Variants in CGGBP1 observed in about 807,000 individuals in gnomAD.
CGGBP1 encodes CGG triplet repeat binding protein 1.
CGGBP1 carries 4 observed loss-of-function variants against 11.4 expected under a neutral mutation model. The ratio of observed to expected loss-of-function variants is 0.35; its 90% CI spans 0.17 to 0.80. The LOEUF is 0.80. Ranked by LOEUF, CGGBP1 falls within the 30% of genes least tolerant of loss-of-function variation. CGGBP1 has a pLI of 0.52. For missense variants in CGGBP1, 135 were observed against 202.1 expected (o/e 0.67, Z 2.01); for synonymous variants, 76 against 74.1 (o/e 1.03, Z -0.13).
At chr3:88,147,884 A>T (rs555954541) in intron 1 of CGGBP1, among the ~76,000 whole-genome samples, 1 of 152,320 alleles carries the variant, frequency 6.6e-6, no homozygotes, top group African/African-American at 2.4e-5. Flanking sequence ...TGCGTTAAGC[A>T]TCCCACAATG....
In CGGBP1 at chr3:88,055,815, G is replaced by A. The variant is rs769664578; in HGVS notation, c.162C>T (p.Arg54=). Residue 54 remains arginine (R), a synonymous_variant, in exon 4 of 4, where the codon CGC becomes CGT. Coordinates refer to ENST00000482016, the MANE Select transcript of CGGBP1 (RefSeq NM_001008390.2). This position sits in a 1 kb window ranked among gnomAD's most constrained non-coding sequence, Gnocchi z 4.2. ...TSCNVVLNHV[R]KSAISDHLKS... ...TGAGGTGGTCACTAATGGCAGACTT[G>A]CGAACATGATTCAGAACCACATTGC... 9.9e-6 allele frequency: 16 copies of A among 1,614,050 alleles called. No homozygotes were observed. The highest frequency in any genetic ancestry group is 1.4e-5 in the Non-Finnish European group (16 of 1,180,026).
chr3:88,102,892 A>G (rs1437798302), intron 2 of CGGBP1, among the ~76,000 whole-genome samples: 1 of 126,272 alleles, frequency 7.9e-6, no homozygotes, highest in Non-Finnish European at 1.6e-5. Context: ...AGTTTGTTGC[A>G]TGGATATATT....
chr3:88,139,266 C>A (rs775907695), intron 2 of CGGBP1: 1 of 1,541,806 alleles, frequency 6.5e-7, no homozygotes, highest in African/African-American at 1.4e-5. Context: ...TCTTACAGCT[C>A]TCAGTACTTC....
intron 2 of CGGBP1, among the ~76,000 whole-genome samples, chr3:88,085,967 A>T (rs564207264): frequency 1.3e-5 from 2 of 152,352 alleles, no homozygotes; most frequent in Admixed American, 1.3e-4. Flanking sequence ...TTTTCACAAA[A>T]GCTGGATATA....
chr3:88,146,552 C>G (rs1027286354), intron 1 of CGGBP1, among the ~76,000 whole-genome samples: 10 of 152,130 alleles, frequency 6.6e-5, no homozygotes, highest in Non-Finnish European at 1.2e-4. Context: ...CAAATTCTAG[C>G]ATGCTAGTTT....
At position 88,072,175 on chromosome 3, in the gene CGGBP1, A is replaced by G. The variant is rs73844850; in HGVS notation, c.-228-13952T>C. Among the ~76,000 whole-genome samples the G allele has an allele frequency of 3.0e-3, 461 of 152,326 alleles. 3 individuals are homozygous for G. Among genetic ancestry groups the G allele is most frequent in the African/African-American group, 0.011 (443 of 41,568 alleles). On this transcript the variant is annotated intron_variant, in intron 2 of 3. Coordinates refer to the CGGBP1 transcript ENST00000462901. ...ATCCTTGCTCTAAAGGAACTGAATT[A>G]TCTAGTAAGGGAGAAAAGGCATATC...
intron 2 of CGGBP1, among the ~76,000 whole-genome samples, chr3:88,124,209 A>G (rs1476595414): frequency 1.3e-5 from 2 of 152,180 alleles, no homozygotes; most frequent in Non-Finnish European, 2.9e-5. Flanking sequence ...CTAGTACTGT[A>G]TATTATTACT....
intron 2 of CGGBP1, among the ~76,000 whole-genome samples, chr3:88,081,955 G>A (rs1025300462): frequency 2.6e-5 from 4 of 152,166 alleles, no homozygotes; most frequent in East Asian, 1.9e-4. Context: ...AAGGGGGTAA[G>A]ACTAACCTAA....
intron 2 of CGGBP1, chr3:88,140,546 G>A: frequency 6.2e-7 from 1 of 1,613,704 alleles, no homozygotes; most frequent in Non-Finnish European, 8.5e-7. Context: ...TAGACCAAAA[G>A]ATGCCTGACA....
At chr3:88,070,917 C>CT (rs1015569001) in intron 2 of CGGBP1, among the ~76,000 whole-genome samples, 6 of 152,062 alleles carry the variant, frequency 3.9e-5, no homozygotes, top group African/African-American at 1.2e-4. Flanking sequence ...ATGATGGATA[C>CT]TTTTTTTCTC....
chr3:88,063,820 A>G (rs894080253), upstream of CGGBP1, among the ~76,000 whole-genome samples: 4 of 152,056 alleles, frequency 2.6e-5, no homozygotes, highest in Admixed American at 6.5e-5. Flanking sequence ...CTTACTAGTC[A>G]TCCTTGTCTT....
chr3:88,088,418 TTA>T (rs1203089221), intron 2 of CGGBP1, among the ~76,000 whole-genome samples: 3 of 152,246 alleles, frequency 2.0e-5, no homozygotes, highest in African/African-American at 7.2e-5. Flanking sequence ...ATTAGCATTT[TTA>T]GAGAGAATTG....
chr3:88,074,463 T>C (rs1171394217), intron 2 of CGGBP1, among the ~76,000 whole-genome samples: 5 of 150,794 alleles, frequency 3.3e-5, no homozygotes, highest in Non-Finnish European at 7.4e-5. Context: ...TGCCTCAGCC[T>C]CCCAAGTAGC....
intron 2 of CGGBP1, among the ~76,000 whole-genome samples, chr3:88,100,700 A>AT (rs1704363109): frequency 6.6e-6 from 1 of 152,178 alleles, no homozygotes. Context: ...TCAGCAAACT[A>AT]TCACAAGGAA....
intron 2 of CGGBP1, chr3:88,128,956 A>G (rs1285197301): frequency 6.5e-7 from 1 of 1,535,306 alleles, no homozygotes; most frequent in Non-Finnish European, 8.7e-7. Flanking sequence ...TACTTCCATC[A>G]AGCACTCTTC....
At chr3:88,140,300 T>A (rs1261781455) in intron 2 of CGGBP1, 1 of 1,613,798 alleles carries the variant, frequency 6.2e-7, no homozygotes, top group African/African-American at 1.3e-5. Context: ...CAGAGTCATC[T>A]GCACAACCAA....
chr3:88,135,832 G>T (rs4257571), intron 2 of CGGBP1, among the ~76,000 whole-genome samples: 119,083 of 152,002 alleles, frequency 0.78, 47,557 homozygotes, highest in South Asian at 0.91. Context: ...AGTATAAAGA[G>T]TAAAGCCACT....
intron 2 of CGGBP1, among the ~76,000 whole-genome samples, chr3:88,116,511 C>T (rs929513823): frequency 6.7e-6 from 1 of 149,238 alleles, no homozygotes; most frequent in Non-Finnish European, 1.5e-5. Flanking sequence ...GCAACAAGAG[C>T]GAAACTCTGT....
intron 2 of CGGBP1, among the ~76,000 whole-genome samples, chr3:88,109,474 A>G (rs1704959297): frequency 6.6e-6 from 1 of 152,162 alleles, no homozygotes; most frequent in Non-Finnish European, 1.5e-5. Context: ...TAAATTGGTA[A>G]GTGGATTTCT....
Sources: allele counts gnomAD v4.1 joint callset (sites outside exome capture counted in the v4.1 genomes callset), GRCh38; gene constraint gnomAD v4.1.1; non-coding constraint Gnocchi (gnomAD v3.1); transcripts MANE v1.5; gene names NCBI Gene and HGNC (gene_info 2026-07-23, HGNC 2026-07-21).